Variants in FBXL17 observed in about 807,000 individuals in gnomAD.
FBXL17 encodes the protein F-box and leucine rich repeat protein 17.
A neutral mutation model predicts 66.2 loss-of-function variants in FBXL17; 22 were observed. The ratio of observed to expected loss-of-function variants is 0.33; its 90% CI spans 0.24 to 0.47. The LOEUF is 0.47. FBXL17 is among the 20% of genes least tolerant of loss of function. The pLI is 1.00. For missense variants in FBXL17, 878 were observed against 948.2 expected (o/e 0.93, Z 0.97); for synonymous variants, 474 against 400.5 (o/e 1.18, Z -2.19).
chr5:108,354,246 G>C (rs1404014998), intron 3 of FBXL17, among the ~76,000 whole-genome samples: 2 of 152,252 alleles, frequency 1.3e-5, no homozygotes, highest in East Asian at 3.9e-4. Flanking sequence ...ACCACAGTCA[G>C]ATACAGCAGG....
chr5:108,040,060 T>C (rs1001824666), intron 6 of FBXL17, among the ~76,000 whole-genome samples: 8 of 152,102 alleles, frequency 5.3e-5, no homozygotes, highest in Non-Finnish European at 1.0e-4. Flanking sequence ...AAACTAAATA[T>C]TTGGGTATAA....
intron 4 of FBXL17, among the ~76,000 whole-genome samples, chr5:108,327,222 C>T (rs1759899990): frequency 6.6e-6 from 1 of 152,130 alleles, no homozygotes; most frequent in African/African-American, 2.4e-5. Context: ...GAAGTAAATC[C>T]AGACTTAGAC....
intron 6 of FBXL17, among the ~76,000 whole-genome samples, chr5:108,067,519 C>G (rs1048290976): frequency 1.3e-5 from 2 of 152,086 alleles, no homozygotes; most frequent in Non-Finnish European, 2.9e-5. Context: ...AATCTATGAG[C>G]TTGAGGGCCT....
chr5:108,378,500 C>CCCA (rs1749606963), intron 1 of FBXL17, among the ~76,000 whole-genome samples: 1 of 99,662 alleles, frequency 1.0e-5, no homozygotes, highest in Non-Finnish European at 2.0e-5. Flanking sequence ...TGCCTCTCTA[C>CCCA]GCAACCCTTC....
At chr5:108,251,706 A>G (rs1352365725) in intron 4 of FBXL17, among the ~76,000 whole-genome samples, 2 of 152,104 alleles carry the variant, frequency 1.3e-5, no homozygotes, top group South Asian at 2.1e-4. Flanking sequence ...CCTGTTATAC[A>G]TAACACACAT....
intron 7 of FBXL17, among the ~76,000 whole-genome samples, chr5:107,901,591 T>G (rs2112532827): frequency 6.6e-6 from 1 of 152,236 alleles, no homozygotes; most frequent in South Asian, 2.1e-4. Flanking sequence ...GGGACACACT[T>G]TGTTTGCACA....
intron 4 of FBXL17, among the ~76,000 whole-genome samples, chr5:108,320,768 A>C (rs1759580919): frequency 6.6e-6 from 1 of 151,834 alleles, no homozygotes; most frequent in Admixed American, 6.6e-5. Flanking sequence ...TAATTCTGTA[A>C]GCCTCTAAAA....
intron 6 of FBXL17, among the ~76,000 whole-genome samples, chr5:108,049,026 A>C (rs1747368646): frequency 6.6e-6 from 1 of 152,176 alleles, no homozygotes; most frequent in Non-Finnish European, 1.5e-5. Flanking sequence ...AATAAAGGAA[A>C]AAATGTTAAG....
chr5:108,186,852 G>C (rs952934237), intron 5 of FBXL17, among the ~76,000 whole-genome samples: 2 of 151,914 alleles, frequency 1.3e-5, no homozygotes, highest in African/African-American at 4.8e-5. Context: ...TAATAGGTAG[G>C]CAAGGTATTG....
intron 4 of FBXL17, among the ~76,000 whole-genome samples, chr5:108,265,533 A>G (rs750096141): frequency 2.6e-5 from 4 of 152,152 alleles, no homozygotes; most frequent in Admixed American, 2.0e-4. Context: ...CCAATGTTCA[A>G]CTGTATTTTG....
At chr5:107,937,751 C>G (rs1750961020) in intron 7 of FBXL17, among the ~76,000 whole-genome samples, 1 of 152,112 alleles carries the variant, frequency 6.6e-6, no homozygotes, top group Non-Finnish European at 1.5e-5. Context: ...AGATCACGTA[C>G]TTGCCCCCAT....
At chr5:108,318,465 A>C (rs932794222) in intron 4 of FBXL17, among the ~76,000 whole-genome samples, 1 of 151,882 alleles carries the variant, frequency 6.6e-6, no homozygotes, top group African/African-American at 2.4e-5. Context: ...TACAGGAAAA[A>C]AAAGTTCCTC....
At chr5:108,028,625 C>T (rs1019868777) in intron 6 of FBXL17, among the ~76,000 whole-genome samples, 1 of 152,106 alleles carries the variant, frequency 6.6e-6, no homozygotes, top group African/African-American at 2.4e-5. Flanking sequence ...TGCTTCAATA[C>T]TAGTTTTGTG....
chr5:108,357,488 T>C (rs998665173), intron 3 of FBXL17, among the ~76,000 whole-genome samples: 4 of 152,032 alleles, frequency 2.6e-5, no homozygotes, highest in Non-Finnish European at 5.9e-5. Flanking sequence ...TGACTGGATA[T>C]AATGGACATC....
chr5:108,121,923 T>A (rs1750518988), intron 6 of FBXL17, among the ~76,000 whole-genome samples: 1 of 152,292 alleles, frequency 6.6e-6, no homozygotes, highest in South Asian at 2.1e-4. Context: ...AAGAGATACT[T>A]TGTTACTCTG....
intron 4 of FBXL17, among the ~76,000 whole-genome samples, chr5:108,242,139 T>C (rs906700490): frequency 6.6e-6 from 1 of 152,212 alleles, no homozygotes; most frequent in Non-Finnish European, 1.5e-5. Flanking sequence ...AATACTGTAA[T>C]TGTGGTGTGT....
Position 108,226,693 on chromosome 5 carries a change from T to C in FBXL17, c.1507-2465A>G, listed in dbSNP as rs537317068. On this transcript the variant is annotated intron_variant, in intron 4 of 8. Coordinates refer to ENST00000542267, the MANE Select transcript of FBXL17 (RefSeq NM_001163315.3). ...CAATCAGTAGACTGAGTGAAGCAGATTGCCTTCTTCAATGGAGAGAAACTT... is the reference window on the plus strand; with the variant it reads ...CAATCAGTAGACTGAGTGAAGCAGACTGCCTTCTTCAATGGAGAGAAACTT... 1.2e-4 allele frequency among the ~76,000 whole-genome samples: 18 copies of C among 152,292 alleles called. No homozygotes were observed. The East Asian group carries it at 2.7e-3, about 23-fold the overall frequency.
At chr5:108,181,105 A>T (rs539590246) in intron 6 of FBXL17, among the ~76,000 whole-genome samples, 1 of 152,330 alleles carries the variant, frequency 6.6e-6, no homozygotes, top group South Asian at 2.1e-4. Flanking sequence ...CAATGCTCAG[A>T]CCAGTTTTTT....
intron 3 of FBXL17, among the ~76,000 whole-genome samples, chr5:108,349,694 C>A (rs952185008): frequency 6.6e-6 from 1 of 152,090 alleles, no homozygotes; most frequent in Admixed American, 6.6e-5. Context: ...AAAGGCTGAT[C>A]AGGATTATGC....
Sources: gnomAD v4.1 joint callset for allele counts (sites outside exome capture counted in the v4.1 genomes callset) on GRCh38, gnomAD v4.1.1 for gene constraint, MANE v1.5 for transcripts, NCBI Gene and HGNC (gene_info 2026-07-23, HGNC 2026-07-21) for gene names.